CFAP70: variants seen among roughly 807,000 people sequenced by gnomAD.
The protein encoded by CFAP70 is cilia- and flagella-associated protein 70.
In CFAP70, 81 loss-of-function variants were observed where a neutral mutation model predicts 137.6. That is an observed-to-expected ratio of 0.59 (90% CI 0.49 to 0.71). The LOEUF (loss-of-function observed/expected upper bound fraction) is 0.71, where lower values mean the gene tolerates loss of function less well. Among genes scored for constraint, CFAP70 ranks in the 30% least tolerant of loss-of-function variants. The pLI is 0.00. For synonymous variants in CFAP70, 382 were observed against 423.6 expected (o/e 0.90, Z 1.20); for missense variants, 976 against 1,226.7 (o/e 0.80, Z 3.05).
upstream of CFAP70, among the ~76,000 whole-genome samples, chr10:73,361,863 T>C (rs1160865680): frequency 6.6e-6 from 1 of 152,144 alleles, no homozygotes; most frequent in Non-Finnish European, 1.5e-5. Context: ...GTTTTTTTTT[T>C]CTTTCAGAAA....
exon 8 of CFAP70, chr10:73,331,216 C>T (rs372705323): frequency 3.7e-6 from 6 of 1,613,292 alleles, no homozygotes; most frequent in Non-Finnish European, 5.1e-6. Flanking sequence ...GTATAGTGAC[C>T]AGAGGAACTC....
chr10:73,256,597 G>GT (rs376048559), intron 25 of CFAP70, among the ~76,000 whole-genome samples, 181 bp from the exon 27 acceptor site: 52 of 149,340 alleles, frequency 3.5e-4, no homozygotes, highest in South Asian at 6.4e-4. Context: ...GGAGAAAAAG[G>GT]TTTTTTTTTT....
chr10:73,303,288 G>T (rs1288814190), intron 12 of CFAP70, among the ~76,000 whole-genome samples: 6 of 152,112 alleles, frequency 3.9e-5, no homozygotes, highest in Admixed American at 6.5e-5. Context: ...CACAACCTTG[G>T]CTCACTGCAA....
intron 19 of CFAP70, among the ~76,000 whole-genome samples, chr10:73,289,282 TTTA>T (rs1172162385): frequency 6.6e-6 from 1 of 151,070 alleles, no homozygotes; most frequent in Non-Finnish European, 1.5e-5. Flanking sequence ...AATTAATTTA[TTTA>T]TTATTATTAT....
chr10:73,341,438 A>C lies in CFAP70; in HGVS notation c.543T>G (p.Gly181=), dbSNP rs766502842. The change falls in exon 6 of 27, where the codon GGT becomes GGG. Residue 181 remains glycine (G), a synonymous_variant. Transcript: ENST00000310715. ...GTTCTCCTTCTTCTTCTTCATAGGG[A>C]CCACCAACAATGAATGCATCAGGAA... is the stretch of plus-strand genomic sequence containing the variant. 3.1e-6 allele frequency: 5 copies of C among 1,614,030 alleles called. No homozygotes were observed. In the South Asian group the frequency reaches 3.3e-5, roughly 11 times the overall value.
At chr10:73,297,142 T>C (rs900606171) in exon 15 of CFAP70, 1 of 1,613,578 alleles carries the variant, frequency 6.2e-7, no homozygotes, top group Non-Finnish European at 8.5e-7. Context: ...TGTCTTCAAG[T>C]ATTTATCTCT....
At chr10:73,310,295 T>C (rs2049801102) in intron 11 of CFAP70, 46 bp from the exon 13 acceptor site, 1 of 1,392,084 alleles carries the variant, frequency 7.2e-7, no homozygotes, top group African/African-American at 1.4e-5. Flanking sequence ...AAAATATATT[T>C]ATGAAAAATT....
Position 73,275,677 on chromosome 10 carries a change from TAATA to T in CFAP70, c.2521-83_2521-80del. On this transcript the variant is annotated intron_variant, in intron 21 of 26. Transcript: ENST00000310715. This position sits in a 1 kb window ranked among gnomAD's most constrained non-coding sequence, Gnocchi z 4.0. The stretch of plus-strand genomic sequence containing the variant: ...TTCGGTTGAAGGATTCTGTCTCTGA[TAATA>T]AATAATACGAAATGTATTACAGAAT... The T allele has an allele frequency of 1.7e-6, 2 of 1,203,584 alleles. No homozygotes were observed. Among genetic ancestry groups the T allele is most frequent in the Non-Finnish European group, 2.2e-6 (2 of 889,572 alleles). 74.6% of individuals were successfully genotyped at this position (1,203,584 alleles called of 1,614,324 possible).
chr10:73,274,587 T>C (rs2046555164), exon 23 of CFAP70: 3 of 1,612,996 alleles, frequency 1.9e-6, no homozygotes, highest in South Asian at 2.2e-5. Context: ...GCCCCAGACA[T>C]TGGGGTTCTG....
chr10:73,270,450 CCCCAGCCA>C (rs2046172347), intron 24 of CFAP70, among the ~76,000 whole-genome samples: 2 of 124,558 alleles, frequency 1.6e-5, no homozygotes, highest in African/African-American at 6.3e-5. Flanking sequence ...CCCCTCCCCT[CCCCAGCCA>C]CCCTTTTCTT....
At chr10:73,341,468 A>T (rs1174815663) in exon 6 of CFAP70, 1 of 1,614,202 alleles carries the variant, frequency 6.2e-7, no homozygotes, top group Admixed American at 1.7e-5. Context: ...CAGGAATGTT[A>T]TTAGCTCCTG....
chr10:73,349,610 C>A (rs987004340), intron 3 of CFAP70, among the ~76,000 whole-genome samples: 1 of 151,972 alleles, frequency 6.6e-6, no homozygotes, highest in Non-Finnish European at 1.5e-5. Flanking sequence ...ATATTGCCTA[C>A]CATAAGGCTT....
intron 4 of CFAP70, 22 bp downstream of exon 4, chr10:73,348,401 T>C: frequency 6.3e-7 from 1 of 1,599,222 alleles, no homozygotes; most frequent in Non-Finnish European, 8.6e-7. Flanking sequence ...ATTTCTGCTT[T>C]TGGGCAAAGC....
At chr10:73,338,205 TAC>T (rs1437576446) in intron 6 of CFAP70, among the ~76,000 whole-genome samples, 1 of 144,932 alleles carries the variant, frequency 6.9e-6, no homozygotes, top group Non-Finnish European at 1.5e-5. Flanking sequence ...AGTGCAGTGG[TAC>T]AGTCTCGGCT....
chr10:73,272,971 G>A lies in CFAP70; in HGVS notation c.2882C>T (p.Pro961Leu), dbSNP rs772521272. 6.4e-7 allele frequency: 1 copy of A among 1,553,094 alleles called. No individual in the cohort carries two copies. The highest frequency in any genetic ancestry group is 8.7e-7 in the Non-Finnish European group (1 of 1,147,694). Residue 961 changes from proline (P) to leucine (L), a missense_variant, in exon 24 of 27, where the codon CCT becomes CTT. Pro to Leu is a moderately conservative substitution (Grantham distance 98). Coordinates refer to ENST00000310715, the Ensembl canonical transcript of CFAP70. ...CAGTCCTAGCCAGGTAAGGCATGAA[G>A]GTGATCTCTTACAGGCTTGCATATA... is the stretch of plus-strand genomic sequence containing the variant.
chr10:73,257,876 C>CTTTTT (rs745485451), intron 25 of CFAP70, among the ~76,000 whole-genome samples: 22 of 129,904 alleles, frequency 1.7e-4, no homozygotes, highest in African/African-American at 5.1e-4. Context: ...CCTTTTCCTT[C>CTTTTT]TTTTTTTTTT....
intron 7 of CFAP70, among the ~76,000 whole-genome samples, chr10:73,333,898 G>A (rs1397176721): frequency 6.6e-6 from 1 of 152,020 alleles, no homozygotes; most frequent in Non-Finnish European, 1.5e-5. Context: ...ATTTGTTCAA[G>A]GTAATAATGG....
At chr10:73,280,755 T>C (rs1457984140) in intron 19 of CFAP70, among the ~76,000 whole-genome samples, 1 of 152,194 alleles carries the variant, frequency 6.6e-6, no homozygotes, top group African/African-American at 2.4e-5. Context: ...TATAAGATTT[T>C]CAGTGATGTC....
Position 73,297,039 on chromosome 10 carries a change from T to TA in CFAP70, c.1644+2dup. On this transcript the variant is annotated splice_region_variant and intron_variant, in intron 15 of 26. Coordinates refer to ENST00000310715, the Ensembl canonical transcript of CFAP70. ...GAAAGTGCTCTCAGTTCTTGACACT[T>TA]ACCTGGTTTAGGGCTACATGCATCT... 16 of 1,612,482 alleles carry TA rather than the reference T, an allele frequency of 9.9e-6. No homozygotes were observed. Among genetic ancestry groups the TA allele is most frequent in the Non-Finnish European group, 1.3e-5 (15 of 1,179,262 alleles).
Sources: gnomAD v4.1 joint callset for allele counts (sites outside exome capture counted in the v4.1 genomes callset) on GRCh38, gnomAD v4.1.1 for gene constraint, Gnocchi (gnomAD v3.1) non-coding constraint, MANE v1.5 for transcripts, NCBI Gene and HGNC (gene_info 2026-07-23, HGNC 2026-07-21) for gene names.